GRIA3: variants seen among roughly 807,000 people sequenced by gnomAD.
GRIA3 encodes glutamate ionotropic receptor AMPA type subunit 3, also known as glutamate receptor 3.
In GRIA3, 3 loss-of-function variants were observed where a neutral mutation model predicts 63.0. The observed-to-expected ratio is 0.05, with a 90% CI of 0.02 to 0.12. GRIA3 has a LOEUF of 0.12. Ranked by LOEUF, GRIA3 falls within the 10% of genes least tolerant of loss-of-function variation. The probability of loss-of-function intolerance (pLI) is 1.00; values close to 1 mark genes in which losing one functional copy is unlikely to be tolerated. For missense variants in GRIA3, 347 were observed against 700.9 expected, an observed-to-expected ratio of 0.50 and a Z score of 5.70; for synonymous variants, 274 against 257.9, an observed-to-expected ratio of 1.06 and a Z score of -0.60.
intron 12 of GRIA3, among the ~76,000 whole-genome samples, chrX:123,454,692 T>C (rs2045752346): frequency 9.0e-6 from 1 of 111,668 alleles, no homozygotes; most frequent in Non-Finnish European, 1.9e-5. Flanking sequence ...AAGTTGTTGC[T>C]TACTGAGAGA....
At chrX:123,215,361 G>A (rs1167558674) in intron 2 of GRIA3, among the ~76,000 whole-genome samples, 1 of 111,854 alleles carries the variant, frequency 8.9e-6, no homozygotes, top group Non-Finnish European at 1.9e-5. Flanking sequence ...ACCTCAGGGA[G>A]CCACTGTGAG....
rs773882676 is a variant in GRIA3 at position 123,349,125 on chromosome X, T to A, written c.697-5785T>A. Among the ~76,000 whole-genome samples the A allele has an allele frequency of 7.1e-5, 8 of 112,099 alleles. No individual in the cohort carries two copies. The East Asian group carries it at 2.2e-3, about 31-fold the overall frequency. ...TAGTGACTAGCTATAAAGGAAAAAA[T>A]TAAGTAAATAATAGTCATGTGATAT... is the stretch of plus-strand genomic sequence containing the variant. On this transcript the variant is annotated intron_variant, in intron 4 of 15. Coordinates refer to ENST00000620443, the MANE Select transcript of GRIA3 (RefSeq NM_007325.5).
intron 3 of GRIA3, among the ~76,000 whole-genome samples, chrX:123,317,784 T>C (rs1195070034): frequency 8.9e-6 from 1 of 111,997 alleles, no homozygotes; most frequent in East Asian, 2.8e-4. Flanking sequence ...TCTACCATTC[T>C]GGGATCTGGA....
chrX:123,268,293 A>C (rs1355411423), intron 3 of GRIA3, among the ~76,000 whole-genome samples: 1 of 110,714 alleles, frequency 9.0e-6, no homozygotes, highest in Non-Finnish European at 1.9e-5. Context: ...AGGCTTCCAA[A>C]GATTGGTCCA....
chrX:123,391,219 G>A (rs113009902), intron 5 of GRIA3, among the ~76,000 whole-genome samples: 2,068 of 110,597 alleles, frequency 0.019, 42 homozygotes, highest in African/African-American at 0.061. Flanking sequence ...TTACTTTTTC[G>A]TACTTTTTGT....
chrX:123,487,434 A>T (rs1459667682), intron 15 of GRIA3, among the ~76,000 whole-genome samples: 2 of 111,929 alleles, frequency 1.8e-5, no homozygotes, highest in Non-Finnish European at 3.8e-5. Context: ...TTTCAAAGTG[A>T]TCCACTTTCC....
intron 12 of GRIA3, among the ~76,000 whole-genome samples, chrX:123,451,739 T>C (rs1353304785): frequency 9.2e-6 from 1 of 108,260 alleles, no homozygotes; most frequent in Non-Finnish European, 1.9e-5. Context: ...TGGAAGGTGC[T>C]GCCATTTTCT....
At chrX:123,394,385 C>T (rs1206669067) in intron 5 of GRIA3, among the ~76,000 whole-genome samples, 4 of 109,790 alleles carry the variant, frequency 3.6e-5, no homozygotes, top group East Asian at 5.7e-4. Context: ...GGTAACAGAG[C>T]GAGATTCTAT....
chrX:123,445,187 G>C (rs2045696751), intron 12 of GRIA3, among the ~76,000 whole-genome samples: 2 of 111,974 alleles, frequency 1.8e-5, no homozygotes, highest in South Asian at 7.5e-4. Context: ...GATATCTGAT[G>C]GATATTTAAG....
intron 2 of GRIA3, among the ~76,000 whole-genome samples, chrX:123,241,818 T>C (rs1399754700): frequency 9.0e-6 from 1 of 111,125 alleles, no homozygotes; most frequent in African/African-American, 3.3e-5. Flanking sequence ...ATGAAGTAGA[T>C]TGTTTCTGCA....
chrX:123,417,262 A>ACC lies in GRIA3; in HGVS notation c.1501-139_1501-138dup. ...CCCACTGAATGCTACCACTTTTCTAACCTAAGCATTGATAATTCAATTGGT... is the reference window on the plus strand; with the variant it reads ...CCCACTGAATGCTACCACTTTTCTAACCCCTAAGCATTGATAATTCAATTGGT... On this transcript the variant is annotated intron_variant, in intron 10 of 15. Transcript: ENST00000620443. 5.8e-6 allele frequency: 3 copies of ACC among 520,628 alleles called. No individual in the cohort carries two copies. In the South Asian group the frequency reaches 9.4e-5, roughly 16 times the overall value. The allele number at this position is 520,628 out of a possible 1,213,427, so 42.9% of individuals were successfully genotyped here. A position where few individuals can be genotyped will look rare whatever the true frequency, so the allele number is the denominator to read the frequency against.
chrX:123,479,988 T>C (rs1158864840), intron 13 of GRIA3, 75 bp from the exon 14 acceptor site: 11 of 747,452 alleles, frequency 1.5e-5, no homozygotes, highest in Non-Finnish European at 1.6e-5. Context: ...CTTTCTATAG[T>C]TTTAAAGTAG....
At chrX:123,474,706 T>A (rs771789842) in intron 13 of GRIA3, among the ~76,000 whole-genome samples, 45 of 107,934 alleles carry the variant, frequency 4.2e-4, no homozygotes, top group Middle Eastern at 4.7e-3. Context: ...AATAAAAATT[T>A]AAAAAAAAAA....
At chrX:123,374,972 G>C (rs2045274673) in intron 5 of GRIA3, among the ~76,000 whole-genome samples, 1 of 111,680 alleles carries the variant, frequency 9.0e-6, no homozygotes, top group Non-Finnish European at 1.9e-5. Context: ...TCAGTACTAT[G>C]CTGAATAACA....
chrX:123,348,493 T>G (rs1285931867), intron 4 of GRIA3, among the ~76,000 whole-genome samples: 1 of 111,508 alleles, frequency 9.0e-6, no homozygotes, highest in Non-Finnish European at 1.9e-5. Flanking sequence ...AATTCTGCCT[T>G]CCAAAAAAAA....
At position 123,489,460 on chromosome X, in the gene GRIA3, G is replaced by A; in HGVS notation, c.*750G>A. 1 of 112,625 alleles carries A rather than the reference G, an allele frequency of 8.9e-6. No individual in the cohort carries two copies. Among genetic ancestry groups the A allele is most frequent in the Admixed American group, 9.4e-5 (1 of 10,615 alleles). The allele number at this position is 112,625 out of a possible 1,213,427, so 9.3% of individuals were successfully genotyped here. A position where few individuals can be genotyped will look rare whatever the true frequency, so the allele number is the denominator to read the frequency against. On this transcript the variant is annotated 3_prime_UTR_variant, in exon 16 of 16. Transcript: ENST00000620443. ...CCCACTCAAAGAAGAGATTTACAGA[G>A]CTTTCGAAATTGACTTTGTGTGTAG... is the stretch of plus-strand genomic sequence containing the variant.
At chrX:123,451,549 AT>A (rs2045732185) in intron 12 of GRIA3, among the ~76,000 whole-genome samples, 1 of 98,966 alleles carries the variant, frequency 1.0e-5, no homozygotes, top group Non-Finnish European at 2.1e-5. Flanking sequence ...AATTAATTCA[AT>A]TTAAAAAAGA....
At chrX:123,269,902 T>G in intron 3 of GRIA3, among the ~76,000 whole-genome samples, 1 of 112,407 alleles carries the variant, frequency 8.9e-6, no homozygotes. Context: ...TTCTCTTTAT[T>G]CACAAGCAAA....
In GRIA3 at chrX:123,428,115, C is replaced by T. The variant is rs778964578; in HGVS notation, c.2052C>T (p.Ser684=). The change falls in exon 12 of 16, where the codon TCC becomes TCT. Residue 684 remains serine (S), a synonymous_variant. Coordinates refer to ENST00000620443, the MANE Select transcript of GRIA3 (RefSeq NM_007325.5). ...AAATTGCATATGGGACCCTGGACTC[C>T]GGTTCAACAAAAGAATTTTTCAGAG... ...QTEIAYGTLD[S]GSTKEFFRRS... 26 of 1,194,892 alleles carry T rather than the reference C, an allele frequency of 2.2e-5. No individual in the cohort carries two copies. The highest frequency in any genetic ancestry group is 2.7e-5 in the Non-Finnish European group (24 of 882,083).
Sources: allele counts gnomAD v4.1 joint callset (sites outside exome capture counted in the v4.1 genomes callset), GRCh38; gene constraint gnomAD v4.1.1; transcripts MANE v1.5; gene names NCBI Gene and HGNC (gene_info 2026-07-23, HGNC 2026-07-21).